NTRK3: variants seen among roughly 807,000 people sequenced by gnomAD.
NTRK3 encodes the protein neurotrophic receptor tyrosine kinase 3.
Under a neutral mutation model 91.7 loss-of-function variants are expected in NTRK3, and 24 were observed. The observed-to-expected ratio is 0.26, with a 90% CI of 0.19 to 0.37. NTRK3 has a LOEUF of 0.37. NTRK3 is among the 10% of genes least tolerant of loss of function. The pLI is 1.00. For missense variants in NTRK3, 880 were observed against 1,068.9 expected, an observed-to-expected ratio of 0.82 and a Z score of 2.46; for synonymous variants, 483 against 404.0, an observed-to-expected ratio of 1.20 and a Z score of -2.34.
At position 88,062,587 on chromosome 15, in the gene NTRK3, G is replaced by A. The variant is rs566264078; in HGVS notation, c.1397-29542C>T. Among the ~76,000 whole-genome samples the A allele has an allele frequency of 2.2e-4, 34 of 152,202 alleles. No homozygotes were observed. In the South Asian group the frequency reaches 7.1e-3, roughly 32 times the overall value. On this transcript the variant is annotated intron_variant, in intron 13 of 18. Transcript: ENST00000394480. ...GCCAATGAAGCTACAAGGTAAAGAT[G>A]GCAGAGCCCCTAGATAAAAGGACCC...
At chr15:88,007,562 G>T (rs1379686715) in intron 14 of NTRK3, among the ~76,000 whole-genome samples, 2 of 152,186 alleles carry the variant, frequency 1.3e-5, no homozygotes, top group African/African-American at 4.8e-5. Flanking sequence ...CACCCACAAG[G>T]ATCTGTTGTA....
chr15:88,216,561 G>A (rs147003919), intron 3 of NTRK3, among the ~76,000 whole-genome samples: 1 of 152,282 alleles, frequency 6.6e-6, no homozygotes, highest in Non-Finnish European at 1.5e-5. Flanking sequence ...TTTGGCAAAG[G>A]GCACACAGGA....
chr15:88,121,439 C>T (rs987147489), intron 13 of NTRK3, among the ~76,000 whole-genome samples: 3 of 152,144 alleles, frequency 2.0e-5, no homozygotes, highest in East Asian at 1.9e-4. Flanking sequence ...CCTGGAAATA[C>T]GGATACAGGA....
chr15:87,919,767 C>G (rs2067721863), intron 17 of NTRK3, among the ~76,000 whole-genome samples: 1 of 152,166 alleles, frequency 6.6e-6, no homozygotes, highest in Non-Finnish European at 1.5e-5. Context: ...AGTCACTAAA[C>G]TAGATCCAGG....
intron 13 of NTRK3, among the ~76,000 whole-genome samples, chr15:88,079,154 T>G (rs2047823797): frequency 6.6e-6 from 1 of 152,146 alleles, no homozygotes. Context: ...TGGCAGGAAC[T>G]AGGTGGTACT....
intron 5 of NTRK3, among the ~76,000 whole-genome samples, chr15:88,168,494 A>T (rs2045202850): frequency 6.6e-6 from 1 of 152,380 alleles, no homozygotes; most frequent in African/African-American, 2.4e-5. Context: ...GTCTGACTGT[A>T]TAATTACAAG....
At chr15:88,135,013 GC>G in intron 10 of NTRK3, 87 bp downstream of exon 10, 1 of 1,473,886 alleles carries the variant, frequency 6.8e-7, no homozygotes, top group Admixed American at 1.7e-5. Flanking sequence ...GAGTACTGAT[GC>G]TGCTTCTCCT....
chr15:87,957,831 G>T (rs2071832595), intron 14 of NTRK3, among the ~76,000 whole-genome samples: 1 of 152,184 alleles, frequency 6.6e-6, no homozygotes, highest in Admixed American at 6.5e-5. Flanking sequence ...CCATTGTTTA[G>T]CAGAGCACAT....
chr15:88,047,068 C>T (rs558282197), intron 13 of NTRK3, among the ~76,000 whole-genome samples: 3 of 152,274 alleles, frequency 2.0e-5, no homozygotes, highest in East Asian at 3.9e-4. Flanking sequence ...GTACTCTAAG[C>T]CCCTTCAGTC....
intron 17 of NTRK3, among the ~76,000 whole-genome samples, chr15:87,923,381 T>A (rs2068035075): frequency 6.6e-6 from 1 of 152,168 alleles, no homozygotes; most frequent in Non-Finnish European, 1.5e-5. Flanking sequence ...CAGTTTCTCC[T>A]TTTAGCTGGT....
At position 87,929,437 on chromosome 15, in the gene NTRK3, G is replaced by A. The variant is rs1433033819; in HGVS notation, c.1890-3C>T. 5.6e-6 allele frequency: 9 copies of A among 1,613,594 alleles called. No individual in the cohort carries two copies. Among genetic ancestry groups the A allele is most frequent in the Non-Finnish European group, 7.6e-6 (9 of 1,179,802 alleles). On this transcript the variant is annotated splice_region_variant and splice_polypyrimidine_tract_variant and intron_variant, in intron 16 of 18. Transcript: ENST00000394480. ...TCATTGCATCTGGCCCATGGGCCCT[G>A]CAAGAGCATGGGGAGAAGAGAGGGG...
chr15:88,079,942 G>C (rs547397435), intron 13 of NTRK3, among the ~76,000 whole-genome samples: 2 of 151,888 alleles, frequency 1.3e-5, no homozygotes, highest in South Asian at 4.2e-4. Flanking sequence ...ATTTTTTGTT[G>C]TCAATATAAA....
At chr15:87,959,387 G>A (rs1424775541) in intron 14 of NTRK3, among the ~76,000 whole-genome samples, 2 of 152,166 alleles carry the variant, frequency 1.3e-5, no homozygotes, top group African/African-American at 4.8e-5. Flanking sequence ...TTACTCCACA[G>A]GCTCCTGTGA....
intron 17 of NTRK3, among the ~76,000 whole-genome samples, chr15:87,914,934 ATGGTTATTTAC>A (rs2067340019): frequency 6.6e-6 from 1 of 152,204 alleles, no homozygotes; most frequent in South Asian, 2.1e-4. Context: ...CAGGGTGTAC[ATGGTTATTTAC>A]TAAGCACAGA....
chr15:88,242,263 C>T (rs1304005686), intron 3 of NTRK3, among the ~76,000 whole-genome samples: 2 of 152,164 alleles, frequency 1.3e-5, no homozygotes, highest in Non-Finnish European at 2.9e-5. Flanking sequence ...TGCCTTTCCG[C>T]GTGGGGCCTC....
At chr15:87,969,144 G>C (rs1410456032) in intron 14 of NTRK3, among the ~76,000 whole-genome samples, 2 of 152,148 alleles carry the variant, frequency 1.3e-5, no homozygotes, top group Non-Finnish European at 2.9e-5. Flanking sequence ...GAACGAATGA[G>C]AGATGAAATT....
At chr15:88,022,992 G>A (rs2077712604) in intron 14 of NTRK3, among the ~76,000 whole-genome samples, 1 of 152,166 alleles carries the variant, frequency 6.6e-6, no homozygotes, top group South Asian at 2.1e-4. Context: ...GTTGGTTTTA[G>A]CTCCAAAGTG....
At chr15:87,971,939 A>G (rs1200247416) in intron 14 of NTRK3, among the ~76,000 whole-genome samples, 3 of 152,200 alleles carry the variant, frequency 2.0e-5, no homozygotes, top group African/African-American at 7.2e-5. Context: ...TGTGATTTTT[A>G]AACGACATTA....
intron 15 of NTRK3, among the ~76,000 whole-genome samples, chr15:87,935,549 GTTTA>G (rs1397942414): frequency 4.6e-5 from 7 of 152,126 alleles, no homozygotes; most frequent in Admixed American, 6.5e-5. Context: ...ATGCAGAGTG[GTTTA>G]TTTATTTTCA....
Sources: gnomAD v4.1 joint callset for allele counts (sites outside exome capture counted in the v4.1 genomes callset) on GRCh38, gnomAD v4.1.1 for gene constraint, MANE v1.5 for transcripts, NCBI Gene and HGNC (gene_info 2026-07-23, HGNC 2026-07-21) for gene names.